ADCY4: variants seen among roughly 807,000 people sequenced by gnomAD.
The protein encoded by ADCY4 is adenylate cyclase 4.
A neutral mutation model predicts 125.5 loss-of-function variants in ADCY4; 111 were observed. The ratio of observed to expected loss-of-function variants is 0.88; its 90% CI spans 0.76 to 1.04. The LOEUF is 1.04. ADCY4 is among the 50% of genes least tolerant of loss of function. The pLI, the probability that ADCY4 is intolerant of heterozygous loss-of-function variation, is 0.00. For synonymous variants in ADCY4, 576 were observed against 586.9 expected (o/e 0.98, Z 0.27); for missense variants, 1,256 against 1,382.9 (o/e 0.91, Z 1.46).
rs758599150 is a variant in ADCY4, at chr14:24,332,871, A to G, written c.277T>C (p.Ser93Pro). 1 of 1,606,040 alleles carries G rather than the reference A, an allele frequency of 6.2e-7. No homozygotes were observed. Among genetic ancestry groups the G allele is most frequent in the Non-Finnish European group, 8.5e-7 (1 of 1,176,434 alleles). The change falls in exon 2 of 25, where the codon TCC (serine) becomes CCC (proline). Residue 93 changes from serine (S) to proline (P), a missense_variant. Ser to Pro is a moderately conservative substitution (Grantham distance 74). Coordinates refer to ENST00000418030, the MANE Select transcript of ADCY4 (RefSeq NM_001198568.2). Reference sequence around the variant, plus strand: ...AGCAGCGCGACCCATACCAAGCCGGACAGGGGACGCGTCCAGCGCTGCAGT... The same window carrying G: ...AGCAGCGCGACCCATACCAAGCCGGGCAGGGGACGCGTCCAGCGCTGCAGT... ...QRLQRWTRPL[S>P]GLVWVALLAL...
At chr14:24,333,953 G>T (rs2042091997) in intron 1 of ADCY4, among the ~76,000 whole-genome samples, 1 of 152,190 alleles carries the variant, frequency 6.6e-6, no homozygotes, top group Non-Finnish European at 1.5e-5. Context: ...GGCCGCGCCC[G>T]GTGATTTTCC....
At position 24,329,540 on chromosome 14, in the gene ADCY4, G is replaced by A. The variant is rs376127291; in HGVS notation, c.1218-7C>T. 15 of 1,516,790 alleles carry A rather than the reference G, an allele frequency of 9.9e-6. No individual in the cohort carries two copies. The highest frequency in any genetic ancestry group is 1.3e-5 in the Non-Finnish European group (15 of 1,134,410). 94.0% of individuals were successfully genotyped at this position (1,516,790 alleles called of 1,614,324 possible). A position where few individuals can be genotyped will look rare whatever the true frequency, so the allele number is the denominator to read the frequency against. On this transcript the variant is annotated splice_polypyrimidine_tract_variant and splice_region_variant and intron_variant, in intron 8 of 24. Transcript: ENST00000418030. Reference sequence around the variant, plus strand: ...CCCTGTGATGTGCACTCGCCTGGAAGGAGGGAGGCAGTAGGGGTCAGCAGG... The same window carrying A: ...CCCTGTGATGTGCACTCGCCTGGAAAGAGGGAGGCAGTAGGGGTCAGCAGG...
intron 12 of ADCY4, 71 bp downstream of exon 12, chr14:24,326,008 G>A (rs894649414): frequency 4.2e-5 from 65 of 1,534,998 alleles, no homozygotes; most frequent in Non-Finnish European, 5.4e-5. Context: ...AGCCCCTCAG[G>A]GAGCACCATC....
Position 24,323,712 on chromosome 14 carries a change from T to G in ADCY4, c.2047-258A>C, listed in dbSNP as rs938230882. The G allele has an allele frequency of 5.2e-6, 7 of 1,341,860 alleles. No individual in the cohort carries two copies. The East Asian group carries it at 2.0e-4, about 38-fold the overall frequency. 83.1% of individuals were successfully genotyped at this position (1,341,860 alleles called of 1,614,324 possible). On this transcript the variant is annotated intron_variant, in intron 16 of 24. Coordinates refer to ENST00000418030, the MANE Select transcript of ADCY4 (RefSeq NM_001198568.2). ...GCCAGCCACTTAGCCTCTCTGGGCCTTAGTTTCTTCTTCTGTAACTTGGCT... is the reference window on the plus strand; with the variant it reads ...GCCAGCCACTTAGCCTCTCTGGGCCGTAGTTTCTTCTTCTGTAACTTGGCT...
chr14:24,329,255 C>G lies in ADCY4; in HGVS notation c.1351-21G>C, dbSNP rs780531634. 5 of 1,610,950 alleles carry G rather than the reference C, an allele frequency of 3.1e-6. No individual in the cohort carries two copies. In the African/African-American group the frequency reaches 4.0e-5, roughly 13 times the overall value. On this transcript the variant is annotated intron_variant, in intron 9 of 24. Coordinates refer to ENST00000418030, the MANE Select transcript of ADCY4 (RefSeq NM_001198568.2). ...TCTGCCTGGGGCACATAAGGGCTGA[C>G]AGTAAAGACCACAGACACTTCCTCC...
Position 24,319,941 on chromosome 14 carries a change from C to G in ADCY4, c.2587-53G>C. The G allele has an allele frequency of 6.3e-7, 1 of 1,595,966 alleles. No individual in the cohort carries two copies. The highest frequency in any genetic ancestry group is 2.2e-5 in the East Asian group (1 of 44,740). ...GGTGTGTGTCATGTTCCTCTCCCTT[C>G]TAGAGGTCTGCGTGGGGCCCTCCTC... On this transcript the variant is annotated intron_variant, in intron 20 of 24. Transcript: ENST00000418030. This position sits in a 1 kb window ranked among gnomAD's most constrained non-coding sequence, Gnocchi z 4.5.
In ADCY4 at chr14:24,331,225, C is replaced by G. The variant is rs375760661; in HGVS notation, c.801G>C (p.Lys267Asn). Residue 267 changes from lysine to asparagine, a missense_variant, in exon 5 of 25, where the codon AAG becomes AAC. Physicochemically the swap from Lys to Asn is moderately conservative, Grantham distance 94. Transcript: ENST00000418030. ...STNNFHSLYVKRHQGVSVLYA... is the reference protein window; with the variant it reads ...STNNFHSLYVNRHQGVSVLYA... ...CCTCATACCTGACTCCCTGGTGCCT[C>G]TTGACATAGAGGCTGTGGAAATTGT... 6.2e-7 allele frequency: 1 copy of G among 1,614,208 alleles called. No individual in the cohort carries two copies. The highest frequency in any genetic ancestry group is 2.2e-5 in the East Asian group (1 of 44,884).
At chr14:24,331,564 T>C (rs1357845289) in intron 4 of ADCY4, 25 of 873,560 alleles carry the variant, frequency 2.9e-5, no homozygotes, top group Non-Finnish European at 4.2e-5. Flanking sequence ...AACACCTGAA[T>C]GGGAGTTCAC....
intron 17 of ADCY4, 73 bp from the exon 18 acceptor site, chr14:24,323,161 C>T (rs2041883064): frequency 1.3e-6 from 2 of 1,532,336 alleles, no homozygotes; most frequent in Non-Finnish European, 1.8e-6. Context: ...GGCTCCCTTC[C>T]TGTCCCTCCC....
intron 19 of ADCY4, 44 bp from the exon 20 acceptor site, chr14:24,322,268 G>A: frequency 6.3e-7 from 1 of 1,579,370 alleles, no homozygotes; most frequent in Non-Finnish European, 8.6e-7. Flanking sequence ...CAGAGCAGGG[G>A]AAGCCCAGCT....
chr14:24,326,045 C>T (rs780001781), intron 12 of ADCY4, 34 bp downstream of exon 12: 3 of 1,570,360 alleles, frequency 1.9e-6, no homozygotes, highest in East Asian at 4.5e-5. Flanking sequence ...ACCTCAGGGC[C>T]TGCGGCCCCC....
At chr14:24,320,019 G>T in intron 20 of ADCY4, 131 bp from the exon 21 acceptor site, 1 of 1,118,276 alleles carries the variant, frequency 8.9e-7, no homozygotes, top group Non-Finnish European at 1.2e-6. Context: ...GAAGGAGGGA[G>T]AGGAGTAGGG....
chr14:24,325,770 G>A, intron 13 of ADCY4, 48 bp downstream of exon 13: 1 of 1,563,886 alleles, frequency 6.4e-7, no homozygotes. Context: ...CCAGCACCAA[G>A]GAACTAAAGT....
At chr14:24,330,831 G>A (rs768341954) in intron 6 of ADCY4, 187 bp downstream of exon 6, 9 of 590,852 alleles carry the variant, frequency 1.5e-5, no homozygotes, top group Non-Finnish European at 2.7e-5. Flanking sequence ...GTAGGTTTGA[G>A]GTGTGTGGTG....
At chr14:24,323,197 G>C in intron 17 of ADCY4, 109 bp from the exon 18 acceptor site, 1 of 1,421,750 alleles carries the variant, frequency 7.0e-7, no homozygotes, top group Non-Finnish European at 9.6e-7. Flanking sequence ...CTGGGAGACA[G>C]GGGGCATCAT....
At chr14:24,328,921 A>T in intron 10 of ADCY4, 140 bp downstream of exon 10, 2 of 1,116,968 alleles carry the variant, frequency 1.8e-6, no homozygotes, top group Non-Finnish European at 2.6e-6. Context: ...TGGGGTGACA[A>T]GACAGTTCGG....
intron 16 of ADCY4, chr14:24,323,822 A>G: frequency 2.4e-6 from 1 of 409,466 alleles, no homozygotes; most frequent in South Asian, 1.0e-4. Context: ...GATCTAAGTA[A>G]TAAGTAACTG....
At chr14:24,327,071 AT>A (rs1176609630) in intron 10 of ADCY4, among the ~76,000 whole-genome samples, 1 of 151,066 alleles carries the variant, frequency 6.6e-6, no homozygotes, top group Non-Finnish European at 1.5e-5. Context: ...TGATTTTTGT[AT>A]TTTTAGTAGA....
intron 8 of ADCY4, 71 bp downstream of exon 8, chr14:24,329,789 A>G (rs915537743): frequency 3.8e-5 from 59 of 1,565,320 alleles, no homozygotes; most frequent in Non-Finnish European, 4.9e-5. Context: ...TAAGGAACTA[A>G]TGAAAGGATG....
Sources: gnomAD v4.1 joint callset for allele counts (sites outside exome capture counted in the v4.1 genomes callset) on GRCh38, gnomAD v4.1.1 for gene constraint, Gnocchi (gnomAD v3.1) non-coding constraint, MANE v1.5 for transcripts, NCBI Gene and HGNC (gene_info 2026-07-23, HGNC 2026-07-21) for gene names.